The following TTLL12 variants were observed in gnomAD, a reference collection of about 807,000 sequenced individuals.
TTLL12 encodes the protein tubulin--tyrosine ligase-like protein 12.
TTLL12 carries 77 observed loss-of-function variants against 79.6 expected under a neutral mutation model. The ratio of observed to expected loss-of-function variants is 0.97; its 90% CI spans 0.81 to 1.17. TTLL12 has a LOEUF of 1.17. Ranked by LOEUF, TTLL12 falls within the 50% of genes most tolerant of loss-of-function variation. The pLI, the probability that TTLL12 is intolerant of heterozygous loss-of-function variation, is 0.00. For missense variants in TTLL12, 969 were observed against 895.9 expected (o/e 1.08, Z -1.04); for synonymous variants, 437 against 376.1 (o/e 1.16, Z -1.87).
At chr22:43,174,684 T>A in intron 6 of TTLL12, 69 bp from the exon 7 acceptor site, 1 of 1,129,678 alleles carries the variant, frequency 8.9e-7, no homozygotes, top group South Asian at 1.4e-5. Context: ...GCACTAGCCC[T>A]GGCTCAGGGA....
intron 11 of TTLL12, among the ~76,000 whole-genome samples, chr22:43,170,845 T>A (rs768273779): frequency 6.6e-6 from 1 of 152,100 alleles, no homozygotes; most frequent in African/African-American, 2.4e-5. Flanking sequence ...GCCCAGGAGA[T>A]TGAGGTTGCA....
In TTLL12 at chr22:43,179,860, C is replaced by T; in HGVS notation, c.687G>A (p.Leu229=). 1 of 1,597,902 alleles carries T rather than the reference C, an allele frequency of 6.3e-7. No individual in the cohort carries two copies. Among genetic ancestry groups the T allele is most frequent in the South Asian group, 1.1e-5 (1 of 89,808 alleles). ...QQVAYTLLWP[L]RDLDTGEEVT... is the part of the protein sequence containing the mutation. ...ACTTACCGCCAGTGTCCAGGTCCCT[C>T]AGGGGCCACAGCAGCGTGTAGGCCA... Residue 229 remains leucine (L), a synonymous_variant, in exon 4 of 14, where the codon CTG becomes CTA. Transcript: ENST00000216129.
chr22:43,173,136 C>T (rs73886419), intron 9 of TTLL12, among the ~76,000 whole-genome samples: 3,158 of 152,296 alleles, frequency 0.021, 73 homozygotes, highest in African/African-American at 0.055. Flanking sequence ...TGACTATGTA[C>T]ACAGTCCAGG....
intron 6 of TTLL12, chr22:43,175,299 C>G (rs1931876083): frequency 6.6e-6 from 1 of 152,316 alleles, no homozygotes; most frequent in African/African-American, 2.4e-5. Flanking sequence ...GGTGTCCCGC[C>G]TGGACCTGCC....
Position 43,171,627 on chromosome 22 carries a change from C to T in TTLL12, c.1575+192G>A, listed in dbSNP as rs1026832526. The T allele has an allele frequency of 8.9e-6, 5 of 562,272 alleles. No individual in the cohort carries two copies. The Admixed American group carries it at 1.2e-4, about 13-fold the overall frequency. 34.8% of individuals were successfully genotyped at this position (562,272 alleles called of 1,614,324 possible). On this transcript the variant is annotated intron_variant, in intron 11 of 13. Transcript: ENST00000216129. ...GCCCTCTGTGCCGTGGGGAGACCTACCTGAGACAACACAGAACCCAGCCTG... is the reference window on the plus strand; with the variant it reads ...GCCCTCTGTGCCGTGGGGAGACCTATCTGAGACAACACAGAACCCAGCCTG...
chr22:43,171,950 C>A, intron 10 of TTLL12, 50 bp from the exon 11 acceptor site: 1 of 1,541,366 alleles, frequency 6.5e-7, no homozygotes, highest in South Asian at 1.2e-5. Flanking sequence ...GGCCTTGTCC[C>A]TGCGAGGGAG....
chr22:43,181,872 C>T (rs1262948426), intron 2 of TTLL12, among the ~76,000 whole-genome samples: 1 of 152,200 alleles, frequency 6.6e-6, no homozygotes, highest in African/African-American at 2.4e-5. Flanking sequence ...CCACGTGATG[C>T]AGGGCAGAGC....
Position 43,186,873 on chromosome 22 carries a change from C to A in TTLL12, c.177+20G>T, listed in dbSNP as rs1298724133. 7.1e-6 allele frequency: 9 copies of A among 1,264,464 alleles called. No individual in the cohort carries two copies. The highest frequency in any genetic ancestry group is 8.9e-6 in the Non-Finnish European group (9 of 1,005,852). The allele number at this position is 1,264,464 out of a possible 1,614,324, so 78.3% of individuals were successfully genotyped here. On this transcript the variant is annotated intron_variant, in intron 1 of 13. Coordinates refer to ENST00000216129, the MANE Select transcript of TTLL12 (RefSeq NM_015140.4). ...GCTCCCACCCCGGCCGCCGCACGTG[C>A]CCGCCGCCCTTCCCCGCACCTCGTG...
intron 13 of TTLL12, 39 bp from the exon 14 acceptor site, chr22:43,168,198 G>A: frequency 6.2e-6 from 10 of 1,604,332 alleles, no homozygotes; most frequent in Non-Finnish European, 7.7e-6. Flanking sequence ...AAGGCTCGTT[G>A]GCCTCCACTC....
chr22:43,182,252 A>G (rs1279515345), intron 2 of TTLL12, among the ~76,000 whole-genome samples: 2 of 152,210 alleles, frequency 1.3e-5, no homozygotes, highest in African/African-American at 4.8e-5. Flanking sequence ...CTGAACCTGA[A>G]GGGGACGGTG....
chr22:43,187,133 C>G lies in TTLL12; in HGVS notation c.-64G>C. The G allele has an allele frequency of 9.9e-7, 1 of 1,012,502 alleles. No homozygotes were observed. The highest frequency in any genetic ancestry group is 1.2e-6 in the Non-Finnish European group (1 of 851,176). The allele number at this position is 1,012,502 out of a possible 1,614,324, so 62.7% of individuals were successfully genotyped here. ...CGCCGCCGCCCGCCGTCCGTCGGCCCTGCCCTCCCGCCTCCGCCCCCTGCC... is the reference window on the plus strand; with the variant it reads ...CGCCGCCGCCCGCCGTCCGTCGGCCGTGCCCTCCCGCCTCCGCCCCCTGCC... On this transcript the variant is annotated 5_prime_UTR_variant, in exon 1 of 14. Transcript: ENST00000216129.
In TTLL12 at chr22:43,167,878, G is replaced by T. The variant is rs964087874; in HGVS notation, c.*130C>A. The T allele has an allele frequency of 6.5e-6, 8 of 1,227,212 alleles. No homozygotes were observed. The African/African-American group carries it at 1.2e-4, about 19-fold the overall frequency. The allele number at this position is 1,227,212 out of a possible 1,614,324, so 76.0% of individuals were successfully genotyped here. On this transcript the variant is annotated 3_prime_UTR_variant, in exon 14 of 14. Coordinates refer to ENST00000216129, the MANE Select transcript of TTLL12 (RefSeq NM_015140.4). ...TGGCGCCGGGAGGATGGCTCGGCAG[G>T]ACAGAGGCCTGGGGCTGAGGCTATG... is the stretch of plus-strand genomic sequence containing the variant.
rs5996283 is a variant in TTLL12 at position 43,167,243 on chromosome 22, G to C, written c.*765C>G. The C allele has an allele frequency of 5.7e-6, 3 of 525,134 alleles. No homozygotes were observed. The allele number at this position is 525,134 out of a possible 1,614,324, so 32.5% of individuals were successfully genotyped here. ...ATCCTGGCCCATCTCACACAAGGGC[G>C]GGACCCCGTGGAGTGCCCGGCGAGC... On this transcript the variant is annotated 3_prime_UTR_variant, in exon 14 of 14. Transcript: ENST00000216129.
rs910836514 is a variant in TTLL12 at position 43,186,961 on chromosome 22, G to C, written c.109C>G (p.Pro37Ala). Residue 37 changes from proline to alanine, a missense_variant, in exon 1 of 14, where the codon CCG becomes GCG. Coordinates refer to ENST00000216129, the MANE Select transcript of TTLL12 (RefSeq NM_015140.4). ...GGGACCCCCGAAGCGCGCAGCGCCG[G>C]GCCGTGCAGCGCCGCGAACTCGGCC... ...ALAEFAALHGPALRASGVPER... is the reference protein window; with the variant it reads ...ALAEFAALHGAALRASGVPER... 7.4e-7 allele frequency: 1 copy of C among 1,342,424 alleles called. No individual in the cohort carries two copies. The highest frequency in any genetic ancestry group is 9.6e-7 in the Non-Finnish European group (1 of 1,042,440). 83.2% of individuals were successfully genotyped at this position (1,342,424 alleles called of 1,614,324 possible). A position where few individuals can be genotyped will look rare whatever the true frequency, so the allele number is the denominator to read the frequency against.
chr22:43,185,494 A>G (rs2146627667), intron 1 of TTLL12, among the ~76,000 whole-genome samples: 1 of 152,162 alleles, frequency 6.6e-6, no homozygotes, highest in South Asian at 2.1e-4. Flanking sequence ...ATGGTAAAGC[A>G]GTGATTCAGC....
intron 1 of TTLL12, among the ~76,000 whole-genome samples, chr22:43,185,230 T>C (rs1004970199): frequency 6.3e-5 from 8 of 127,368 alleles, no homozygotes; most frequent in Admixed American, 5.0e-4. Flanking sequence ...TCCGTCTCAA[T>C]TAAAAAAAGA....
intron 6 of TTLL12, 86 bp downstream of exon 6, chr22:43,176,234 T>C: frequency 9.8e-7 from 1 of 1,021,080 alleles, no homozygotes; most frequent in South Asian, 1.4e-5. Flanking sequence ...TGCCAAGCAC[T>C]GTTCTGGGGC....
At chr22:43,172,303 A>C in intron 10 of TTLL12, 100 bp downstream of exon 10, 1 of 1,471,654 alleles carries the variant, frequency 6.8e-7, no homozygotes, top group Non-Finnish European at 9.3e-7. Flanking sequence ...GGTGCCTTCC[A>C]ACAACATTTT....
In TTLL12 at chr22:43,171,819, C is replaced by T; in HGVS notation, c.1575G>A (p.Gln525=). The T allele has an allele frequency of 1.2e-6, 2 of 1,614,034 alleles. No homozygotes were observed. The highest frequency in any genetic ancestry group is 1.7e-6 in the Non-Finnish European group (2 of 1,179,942). The change falls in exon 11 of 14, where the codon CAG becomes CAA. Residue 525 remains glutamine (Q), a splice_region_variant and synonymous_variant. Coordinates refer to ENST00000216129, the MANE Select transcript of TTLL12 (RefSeq NM_015140.4). The stretch of plus-strand genomic sequence containing the variant: ...GCTCTGCACCTCCCTCAGGCCCTAC[C>T]TGCTTCAGCACCACATCCGGGTCAT... ...MNYDPDVVLK[Q]VHCEEFIPEF...
Sources: gnomAD v4.1 joint callset for allele counts (sites outside exome capture counted in the v4.1 genomes callset) on GRCh38, gnomAD v4.1.1 for gene constraint, MANE v1.5 for transcripts, NCBI Gene and HGNC (gene_info 2026-07-23, HGNC 2026-07-21) for gene names.